The following NFIB variants were observed in gnomAD, a reference collection of about 807,000 sequenced individuals.
NFIB encodes the protein nuclear factor 1 B-type.
In NFIB, 11 loss-of-function variants were observed where a neutral mutation model predicts 61.5. That is an observed-to-expected ratio of 0.18 (90% CI 0.11 to 0.30). The LOEUF (loss-of-function observed/expected upper bound fraction) is 0.30. NFIB is among the 10% of genes least tolerant of loss of function. The pLI, the probability that NFIB is intolerant of heterozygous loss-of-function variation, is 1.00. For synonymous variants in NFIB, 260 were observed against 216.5 expected (o/e 1.20, Z -1.76); for missense variants, 471 against 608.9 (o/e 0.77, Z 2.38).
chr9:14,472,498 T>C, the NFIB span, among the ~76,000 whole-genome samples: 1 of 152,230 alleles, frequency 6.6e-6, no homozygotes, highest in Non-Finnish European at 1.5e-5. Flanking sequence ...ATGTGTAGCT[T>C]GTATTCTGTA....
At chr9:14,210,053 G>A (rs759504207) in intron 2 of NFIB, among the ~76,000 whole-genome samples, 3 of 152,002 alleles carry the variant, frequency 2.0e-5, no homozygotes, top group Admixed American at 6.6e-5. Flanking sequence ...TACAACAATT[G>A]GTAGCTATGT....
chr9:14,450,715 C>G, the NFIB span, among the ~76,000 whole-genome samples: 1 of 151,056 alleles, frequency 6.6e-6, no homozygotes, highest in African/African-American at 2.4e-5. Flanking sequence ...ACTACTAAAA[C>G]ACTTTCAAGG....
chr9:14,378,544 A>G (rs986398774), intron 1 of NFIB, among the ~76,000 whole-genome samples: 1 of 152,134 alleles, frequency 6.6e-6, no homozygotes, highest in Non-Finnish European at 1.5e-5. Flanking sequence ...TTTAGTAGAG[A>G]CGGGGTTTCA....
chr9:14,293,499 A>G (rs767426798), intron 2 of NFIB, among the ~76,000 whole-genome samples: 21 of 152,212 alleles, frequency 1.4e-4, no homozygotes, highest in Non-Finnish European at 3.1e-4. Context: ...GGAGGAAATT[A>G]CGCCTCATGG....
chr9:14,479,123 G>T, the NFIB span, among the ~76,000 whole-genome samples: 1 of 152,124 alleles, frequency 6.6e-6, no homozygotes, highest in Admixed American at 6.6e-5. Context: ...ACTAAATAGA[G>T]ATCCCAGGTC....
At chr9:14,391,645 A>G (rs1295161564) in intron 1 of NFIB, among the ~76,000 whole-genome samples, 1 of 152,134 alleles carries the variant, frequency 6.6e-6, no homozygotes, top group Non-Finnish European at 1.5e-5. Flanking sequence ...TTCAGTAAAC[A>G]CACTGTGCAT....
chr9:14,121,162 C>T (rs2038881434), intron 7 of NFIB, among the ~76,000 whole-genome samples: 1 of 152,106 alleles, frequency 6.6e-6, no homozygotes, highest in Non-Finnish European at 1.5e-5. Context: ...TACTTGGGAG[C>T]TTAAGGCAGG....
Position 14,150,114 on chromosome 9 carries a change from T to C in NFIB, c.806+31A>G, listed in dbSNP as rs745773805. ...ACCTACGAACCTATGTGTGTATCACTTGAGAATATGAGCAGCCCTTCTTTC... is the reference window on the plus strand; with the variant it reads ...ACCTACGAACCTATGTGTGTATCACCTGAGAATATGAGCAGCCCTTCTTTC... On this transcript the variant is annotated intron_variant, in intron 5 of 10. Coordinates refer to ENST00000380953, the MANE Select transcript of NFIB (RefSeq NM_001190737.2). The C allele has an allele frequency of 2.0e-5, 33 of 1,612,608 alleles. 3 individuals carry two copies. The highest frequency in any genetic ancestry group is 1.6e-4 in the East Asian group (7 of 44,848).
At chr9:14,337,223 T>C (rs1385826072) in intron 1 of NFIB, among the ~76,000 whole-genome samples, 1 of 152,138 alleles carries the variant, frequency 6.6e-6, no homozygotes, top group African/African-American at 2.4e-5. Context: ...AGTCCATAAA[T>C]GCTCCAGAGG....
chr9:14,237,842 A>AGT (rs200054648), intron 2 of NFIB, among the ~76,000 whole-genome samples: 9,742 of 52,470 alleles, frequency 0.19, 2,550 homozygotes, highest in Non-Finnish European at 0.23. Flanking sequence ...TAGGTATAAC[A>AGT]GTGTGTGTGT....
intron 2 of NFIB, among the ~76,000 whole-genome samples, chr9:14,276,916 A>G (rs958163923): frequency 6.6e-6 from 1 of 152,014 alleles, no homozygotes; most frequent in Non-Finnish European, 1.5e-5. Flanking sequence ...CAGGCCACAA[A>G]AAAATACTTC....
chr9:14,512,616 TTTA>T, the NFIB span, among the ~76,000 whole-genome samples: 3 of 152,250 alleles, frequency 2.0e-5, no homozygotes, highest in East Asian at 5.8e-4. Context: ...AGTCCGCCAA[TTTA>T]TTATCATGCT....
At chr9:14,382,479 G>C (rs962835267) in intron 1 of NFIB, among the ~76,000 whole-genome samples, 2 of 152,124 alleles carry the variant, frequency 1.3e-5, no homozygotes, top group Non-Finnish European at 2.9e-5. Flanking sequence ...TCAGGGGAGA[G>C]AGGTGACTAT....
the NFIB span, among the ~76,000 whole-genome samples, chr9:14,523,645 C>G: frequency 6.6e-6 from 1 of 152,062 alleles, no homozygotes; most frequent in Admixed American, 6.6e-5. Context: ...TCATTTATTC[C>G]AAAGTCACTT....
At chr9:14,216,790 C>T (rs975747499) in intron 2 of NFIB, among the ~76,000 whole-genome samples, 2 of 152,180 alleles carry the variant, frequency 1.3e-5, no homozygotes, top group South Asian at 4.1e-4. Flanking sequence ...TGCTTTCAGC[C>T]AAATTTTCTA....
At chr9:14,163,904 A>G (rs952410144) in intron 3 of NFIB, among the ~76,000 whole-genome samples, 1 of 151,938 alleles carries the variant, frequency 6.6e-6, no homozygotes, top group Non-Finnish European at 1.5e-5. Context: ...AAATGACTGA[A>G]TTATCTCAAC....
At chr9:14,468,250 C>A in the NFIB span, among the ~76,000 whole-genome samples, 1 of 152,190 alleles carries the variant, frequency 6.6e-6, no homozygotes, top group Non-Finnish European at 1.5e-5. Flanking sequence ...GAATATAGAG[C>A]TTTCAAGGAC....
chr9:14,351,399 G>T (rs1011938553), intron 1 of NFIB, among the ~76,000 whole-genome samples: 2 of 151,980 alleles, frequency 1.3e-5, no homozygotes, highest in Admixed American at 6.5e-5. Flanking sequence ...AGGGAGCTGG[G>T]CTAGGGCTGG....
chr9:14,520,593 A>G, the NFIB span, among the ~76,000 whole-genome samples: 1 of 152,222 alleles, frequency 6.6e-6, no homozygotes, highest in Non-Finnish European at 1.5e-5. Flanking sequence ...GGCTGAAATA[A>G]TGAAAGACCT....
Sources: gnomAD v4.1 joint callset for allele counts (sites outside exome capture counted in the v4.1 genomes callset) on GRCh38, gnomAD v4.1.1 for gene constraint, MANE v1.5 for transcripts, NCBI Gene and HGNC (gene_info 2026-07-23, HGNC 2026-07-21) for gene names.